ZMYM5: variants seen among roughly 807,000 people sequenced by gnomAD.
ZMYM5 encodes the protein zinc finger MYM-type protein 5.
In ZMYM5, 41 loss-of-function variants were observed where a neutral mutation model predicts 61.8. That is an observed-to-expected ratio of 0.66 (90% confidence interval 0.52 to 0.86). The LOEUF (loss-of-function observed/expected upper bound fraction) is 0.86, where lower values mean the gene tolerates loss of function less well. ZMYM5 is among the 40% of genes least tolerant of loss of function. The pLI is 0.00. For synonymous variants in ZMYM5, 257 were observed against 276.4 expected (o/e 0.93, Z 0.70); for missense variants, 706 against 786.7 (o/e 0.90, Z 1.23).
At chr13:19,860,931 C>T (rs1336483197) in intron 2 of ZMYM5, among the ~76,000 whole-genome samples, 5 of 138,736 alleles carry the variant, frequency 3.6e-5, no homozygotes, top group Admixed American at 2.1e-4. Flanking sequence ...CATGTATATG[C>T]GCACGTGTGT....
At chr13:19,854,684 G>T (rs1679463505) in intron 2 of ZMYM5, among the ~76,000 whole-genome samples, 1 of 150,638 alleles carries the variant, frequency 6.6e-6, no homozygotes, top group African/African-American at 2.4e-5. Context: ...CATGAAATAG[G>T]TAACATTTAT....
At chr13:19,858,972 G>T (rs1037947650) in intron 2 of ZMYM5, among the ~76,000 whole-genome samples, 1 of 152,008 alleles carries the variant, frequency 6.6e-6, no homozygotes, top group African/African-American at 2.4e-5. Flanking sequence ...TGATAAGATA[G>T]AACATAAGAT....
In ZMYM5 at chr13:19,838,777, G is replaced by A. The variant is rs537400016; in HGVS notation, c.795C>T (p.His265=). 3.7e-6 allele frequency: 6 copies of A among 1,614,226 alleles called. No homozygotes were observed. In the Admixed American group the frequency reaches 5.0e-5, roughly 13 times the overall value. The stretch of plus-strand genomic sequence containing the variant: ...AAAGGCAGGTGGTAGAGCAAAAGAG[G>A]TGAGCTGATCCTTTTCGTTGATAAG... ...QTAYQRKGSA[H]LFCSTTCLSS... Residue 265 remains histidine (H), a synonymous_variant, in exon 5 of 8, where the codon CAC becomes CAT. Transcript: ENST00000337963.
At chr13:19,844,634 CTTTT>C (rs1566098270) in intron 4 of ZMYM5, among the ~76,000 whole-genome samples, 1 of 152,084 alleles carries the variant, frequency 6.6e-6, no homozygotes, top group East Asian at 1.9e-4. Flanking sequence ...AGAACTCTTT[CTTTT>C]TGAGATGGAG....
intron 4 of ZMYM5, among the ~76,000 whole-genome samples, chr13:19,850,526 G>A (rs1466201156): frequency 2.0e-5 from 3 of 151,904 alleles, no homozygotes; most frequent in Non-Finnish European, 2.9e-5. Flanking sequence ...AGTTGAACCC[G>A]GGAGGGAGGG....
intron 2 of ZMYM5, among the ~76,000 whole-genome samples, chr13:19,855,815 T>C (rs1446827718): frequency 6.6e-6 from 1 of 150,660 alleles, no homozygotes; most frequent in Non-Finnish European, 1.5e-5. Flanking sequence ...ATTGAGACCA[T>C]CCTGGCTAAC....
intron 7 of ZMYM5, among the ~76,000 whole-genome samples, chr13:19,826,952 A>C (rs1266099970): frequency 1.3e-5 from 2 of 152,166 alleles, no homozygotes; most frequent in Non-Finnish European, 2.9e-5. Flanking sequence ...ACATGGGAAA[A>C]AATTGAAAAT....
At chr13:19,838,311 G>C (rs1053301626) in intron 5 of ZMYM5, among the ~76,000 whole-genome samples, 3 of 152,196 alleles carry the variant, frequency 2.0e-5, no homozygotes, top group Non-Finnish European at 4.4e-5. Context: ...CTGGGAGGTG[G>C]AAGTTGCAGT....
intron 4 of ZMYM5, among the ~76,000 whole-genome samples, chr13:19,847,803 A>ATTTTTTTTTTTT (rs34176871): frequency 2.2e-3 from 178 of 79,844 alleles, no homozygotes; most frequent in East Asian, 2.8e-3. Flanking sequence ...TGCCCGGCTA[A>ATTTTTTTTTTTT]TTTTTTTTTT....
intron 7 of ZMYM5, among the ~76,000 whole-genome samples, chr13:19,827,879 C>T (rs1890991752): frequency 6.6e-6 from 1 of 151,428 alleles, no homozygotes; most frequent in Non-Finnish European, 1.5e-5. Context: ...GTTAGCCAGG[C>T]GTAGTGGTGG....
chr13:19,825,353 AGAC>A, intron 7 of ZMYM5, 118 bp from the exon 8 acceptor site: 3 of 992,796 alleles, frequency 3.0e-6, no homozygotes, highest in Non-Finnish European at 3.9e-6. Flanking sequence ...CCAATCAAAA[AGAC>A]GACGACGGTC....
At chr13:19,839,192 A>G (rs1440934314) in intron 4 of ZMYM5, among the ~76,000 whole-genome samples, 1 of 152,132 alleles carries the variant, frequency 6.6e-6, no homozygotes, top group African/African-American at 2.4e-5. Flanking sequence ...CAACAATAAT[A>G]ATAAAGTAAA....
intron 4 of ZMYM5, among the ~76,000 whole-genome samples, chr13:19,847,646 T>C (rs1283917245): frequency 6.6e-6 from 1 of 151,342 alleles, no homozygotes; most frequent in Non-Finnish European, 1.5e-5. Flanking sequence ...ATTTTTCTTT[T>C]TTTTTTTTTT....
chr13:19,844,677 A>C (rs183472844), intron 4 of ZMYM5, among the ~76,000 whole-genome samples: 1 of 152,320 alleles, frequency 6.6e-6, no homozygotes, highest in Non-Finnish European at 1.5e-5. Flanking sequence ...GCTGGAGTGC[A>C]GTGGCGCAAT....
chr13:19,860,950 G>C (rs1953733588), intron 2 of ZMYM5, among the ~76,000 whole-genome samples: 1 of 150,912 alleles, frequency 6.6e-6, no homozygotes, highest in Admixed American at 6.6e-5. Context: ...GTGTGTGTGT[G>C]TGTGTGTGTG....
chr13:19,840,005 T>C (rs1301668806), intron 4 of ZMYM5, among the ~76,000 whole-genome samples: 1 of 152,246 alleles, frequency 6.6e-6, no homozygotes, highest in African/African-American at 2.4e-5. Context: ...CACTTGGGAA[T>C]CTTGTTTAAA....
intron 2 of ZMYM5, among the ~76,000 whole-genome samples, chr13:19,856,417 G>C (rs1250998076): frequency 6.6e-6 from 1 of 151,940 alleles, no homozygotes; most frequent in Admixed American, 6.6e-5. Flanking sequence ...GAGGCAGGTG[G>C]ATCACCTGAG....
rs1273804578 is a variant in ZMYM5, at chr13:19,851,822, T to C, written c.359A>G (p.Asp120Gly). 2 of 1,612,912 alleles carry C rather than the reference T, an allele frequency of 1.2e-6. No homozygotes were observed. The highest frequency in any genetic ancestry group is 1.3e-5 in the African/African-American group (1 of 74,948). Residue 120 changes from aspartate (D) to glycine (G), a missense_variant, in exon 3 of 8, where the codon GAT becomes GGT. By Grantham distance (94) the Asp-to-Gly change is moderately conservative. Coordinates refer to ENST00000337963, the MANE Select transcript of ZMYM5 (RefSeq NM_001142684.2). ...KGNISETIVI[D>G]DEEDIETNGG... ...ATTTGTTTCTATGTCCTCTTCATCA[T>C]CAATAACAATTGTCTCACTTATATT...
At chr13:19,861,505 G>A (rs1204581422) in intron 2 of ZMYM5, among the ~76,000 whole-genome samples, 2 of 152,106 alleles carry the variant, frequency 1.3e-5, no homozygotes, top group African/African-American at 4.8e-5. Context: ...TAATTAAAGA[G>A]ATATGCTGTG....
Sources: allele counts gnomAD v4.1 joint callset (sites outside exome capture counted in the v4.1 genomes callset), GRCh38; gene constraint gnomAD v4.1.1; transcripts MANE v1.5; gene names NCBI Gene and HGNC (gene_info 2026-07-23, HGNC 2026-07-21).